Variants in WWOX observed in about 807,000 individuals in gnomAD.
WWOX encodes the protein WW domain-containing oxidoreductase.
Under a neutral mutation model 46.2 loss-of-function variants are expected in WWOX, and 69 were observed. The ratio of observed to expected loss-of-function variants is 1.49; its 90% CI spans 1.23 to 1.82. The LOEUF is 1.82. WWOX is among the 40% of genes most tolerant of loss of function. The pLI is 0.00. For missense variants in WWOX, 919 were observed against 542.6 expected (o/e 1.69, Z -6.89); for synonymous variants, 359 against 202.6 (o/e 1.77, Z -6.56).
intron 8 of WWOX, among the ~76,000 whole-genome samples, chr16:78,472,484 G>A (rs953712566): frequency 6.6e-6 from 1 of 152,112 alleles, no homozygotes; most frequent in African/African-American, 2.4e-5. Flanking sequence ...TACTTGATTT[G>A]AAATATGTGC....
chr16:78,830,729 C>T (rs556204209), intron 8 of WWOX, among the ~76,000 whole-genome samples: 1 of 151,818 alleles, frequency 6.6e-6, no homozygotes, highest in Non-Finnish European at 1.5e-5. Context: ...TTTGGCCAAG[C>T]AGGACGGCAT....
intron 8 of WWOX, among the ~76,000 whole-genome samples, chr16:79,142,383 T>C (rs2050106923): frequency 1.3e-5 from 2 of 152,208 alleles, no homozygotes; most frequent in South Asian, 2.1e-4. Flanking sequence ...CCATCTCCCA[T>C]GTTTAGTGAC....
chr16:78,579,173 G>C (rs901042401), intron 8 of WWOX, among the ~76,000 whole-genome samples: 1 of 152,122 alleles, frequency 6.6e-6, no homozygotes, highest in Non-Finnish European at 1.5e-5. Context: ...GCAATAATTA[G>C]GAAGTCCCTA....
At chr16:78,858,287 CTGAGCAGCATA>C (rs2052615851) in intron 8 of WWOX, among the ~76,000 whole-genome samples, 1 of 147,664 alleles carries the variant, frequency 6.8e-6, no homozygotes, top group Admixed American at 6.8e-5. Flanking sequence ...GTGTACCCAT[CTGAGCAGCATA>C]TGCTGTACCC....
intron 5 of WWOX, chr16:78,168,443 T>A (rs866127273): frequency 3.3e-5 from 5 of 152,046 alleles, no homozygotes; most frequent in Admixed American, 3.3e-4. Context: ...TTTTCTTTTT[T>A]TTTTTTTTGC....
At chr16:78,763,716 T>C (rs974281812) in intron 8 of WWOX, among the ~76,000 whole-genome samples, 2 of 152,210 alleles carry the variant, frequency 1.3e-5, no homozygotes, top group Non-Finnish European at 2.9e-5. Context: ...TATTTGGTAT[T>C]CACGAGTTTT....
At chr16:79,191,828 T>C (rs554052390) in intron 8 of WWOX, among the ~76,000 whole-genome samples, 3 of 152,282 alleles carry the variant, frequency 2.0e-5, no homozygotes, top group Admixed American at 2.0e-4. Flanking sequence ...CTAGGGGATA[T>C]ACACTTCTAA....
At chr16:78,702,469 G>A (rs945904274) in intron 8 of WWOX, among the ~76,000 whole-genome samples, 1 of 150,390 alleles carries the variant, frequency 6.6e-6, no homozygotes, top group Admixed American at 6.6e-5. Flanking sequence ...TGGCCAACAT[G>A]ATAAAACCCC....
chr16:79,154,662 G>T (rs1003387105), intron 8 of WWOX, among the ~76,000 whole-genome samples: 1 of 152,214 alleles, frequency 6.6e-6, no homozygotes, highest in Non-Finnish European at 1.5e-5. Flanking sequence ...GCTGATGGAT[G>T]TACACTGTAA....
intron 8 of WWOX, among the ~76,000 whole-genome samples, chr16:79,126,916 G>T (rs1462987117): frequency 3.9e-5 from 6 of 152,132 alleles, no homozygotes; most frequent in African/African-American, 1.4e-4. Flanking sequence ...ACAGAGAAAA[G>T]GAGAGAGTGG....
chr16:79,104,650 C>T (rs2049271367), intron 8 of WWOX, among the ~76,000 whole-genome samples: 1 of 152,134 alleles, frequency 6.6e-6, no homozygotes, highest in Non-Finnish European at 1.5e-5. Context: ...TTTGTGTCTC[C>T]TTGCATTTAA....
chr16:78,180,837 A>C (rs939086591), intron 5 of WWOX, among the ~76,000 whole-genome samples: 1 of 152,180 alleles, frequency 6.6e-6, no homozygotes, highest in African/African-American at 2.4e-5. Context: ...CATGAGTGCT[A>C]GTGGGTAAAT....
chr16:78,681,235 T>C (rs1443080760), intron 8 of WWOX, among the ~76,000 whole-genome samples: 2 of 151,348 alleles, frequency 1.3e-5, no homozygotes, highest in African/African-American at 4.8e-5. Flanking sequence ...AGCAAGACTG[T>C]CTCATAAATA....
At chr16:79,144,809 G>A (rs2050154744) in intron 8 of WWOX, among the ~76,000 whole-genome samples, 1 of 150,742 alleles carries the variant, frequency 6.6e-6, no homozygotes. Context: ...GATATTTTGA[G>A]AGAGAGAGAC....
Position 79,018,618 on chromosome 16 carries a change from C to T in WWOX, c.1057-192990C>T, listed in dbSNP as rs371606633. 6.6e-5 allele frequency among the ~76,000 whole-genome samples: 10 copies of T among 152,098 alleles called. No individual in the cohort carries two copies. The East Asian group carries it at 7.7e-4, about 12-fold the overall frequency. Reference sequence around the variant, plus strand: ...GAATCGAGGTCATGTCTATAAGACACCACCATTTCAAAGCCAAAGAGATTG... The same window carrying T: ...GAATCGAGGTCATGTCTATAAGACATCACCATTTCAAAGCCAAAGAGATTG... On this transcript the variant is annotated intron_variant, in intron 8 of 8. Transcript: ENST00000566780.
At chr16:78,639,662 C>G (rs1318160176) in intron 8 of WWOX, among the ~76,000 whole-genome samples, 1 of 151,810 alleles carries the variant, frequency 6.6e-6, no homozygotes, top group East Asian at 1.9e-4. Flanking sequence ...CTCCCAGGTT[C>G]GAGTGATTTT....
At chr16:78,749,576 A>T (rs28476711) in intron 8 of WWOX, among the ~76,000 whole-genome samples, 22,495 of 152,086 alleles carry the variant, frequency 0.15, 2,043 homozygotes, top group African/African-American at 0.24. Flanking sequence ...TATTTATTTC[A>T]GTGGGGAAAA....
At chr16:78,509,879 G>A (rs1442663168) in intron 8 of WWOX, among the ~76,000 whole-genome samples, 1 of 151,436 alleles carries the variant, frequency 6.6e-6, no homozygotes, top group Non-Finnish European at 1.5e-5. Context: ...CTTGAGCCTG[G>A]GAGTTGGAAA....
Position 78,996,381 on chromosome 16 carries a change from C to A in WWOX, c.1057-215227C>A, listed in dbSNP as rs1307601046. 8.1e-5 allele frequency: 57 copies of A among 700,902 alleles called. 2 individuals carry two copies. Among genetic ancestry groups the A allele is most frequent in the East Asian group, 2.5e-4 (1 of 4,032 alleles). 43.4% of individuals were successfully genotyped at this position (700,902 alleles called of 1,614,324 possible). ...TGTGAGTGAATTCTGCACCCACCCC[C>A]GCCCCCCAGCTTCCCCACCTGTAAA... On this transcript the variant is annotated intron_variant, in intron 8 of 8. Coordinates refer to ENST00000566780, the MANE Select transcript of WWOX (RefSeq NM_016373.4).
Sources: gnomAD v4.1 joint callset for allele counts (sites outside exome capture counted in the v4.1 genomes callset) on GRCh38, gnomAD v4.1.1 for gene constraint, MANE v1.5 for transcripts, NCBI Gene and HGNC (gene_info 2026-07-23, HGNC 2026-07-21) for gene names.